The following SLC26A5 variants were observed in gnomAD, a reference collection of about 807,000 sequenced individuals.
The protein encoded by SLC26A5 is solute carrier family 26 member 5.
Under a neutral mutation model 81.0 loss-of-function variants are expected in SLC26A5, and 51 were observed. The ratio of observed to expected loss-of-function variants is 0.63; its 90% confidence interval spans 0.50 to 0.80. SLC26A5 has a LOEUF of 0.80. Ranked by LOEUF, SLC26A5 falls within the 30% of genes least tolerant of loss-of-function variation. The pLI is 0.00. For synonymous variants in SLC26A5, 325 were observed against 332.8 expected (o/e 0.98, Z 0.25); for missense variants, 771 against 905.8 (o/e 0.85, Z 1.91).
At chr7:103,390,568 A>G in intron 11 of SLC26A5, 62 bp from the exon 12 acceptor site, 1 of 1,389,964 alleles carries the variant, frequency 7.2e-7, no homozygotes, top group Admixed American at 1.7e-5. Flanking sequence ...GCAGGGCATA[A>G]GTTGGTTTTA....
intron 4 of SLC26A5, among the ~76,000 whole-genome samples, chr7:103,416,918 T>C (rs967334751): frequency 2.0e-5 from 3 of 152,194 alleles, no homozygotes; most frequent in African/African-American, 7.2e-5. Context: ...ATGTATTTAC[T>C]TTCTCTTAGA....
In SLC26A5 at chr7:103,410,454, G is replaced by A. The variant is rs777672186; in HGVS notation, c.666C>T (p.Phe222=). The A allele has an allele frequency of 3.7e-6, 6 of 1,613,990 alleles. No homozygotes were observed. The South Asian group carries it at 6.6e-5, about 18-fold the overall frequency. The change falls in exon 7 of 20, where the codon TTC becomes TTT. Residue 222 remains phenylalanine (F), a synonymous_variant. Coordinates refer to ENST00000306312, the MANE Select transcript of SLC26A5 (RefSeq NM_198999.3). ...CAAACAGATATTTTAACATGGAGGT[G>A]AAGACATGCACAGCTGCTGCGGTGG... is the stretch of plus-strand genomic sequence containing the variant. ...GFTTAAAVHV[F]TSMLKYLFGV...
intron 9 of SLC26A5, among the ~76,000 whole-genome samples, chr7:103,395,523 ATT>A (rs377224135): frequency 3.2e-3 from 67 of 21,268 alleles, no homozygotes; most frequent in South Asian, 3.8e-3. Context: ...ATATATATAA[ATT>A]TTTTTTTTTT....
chr7:103,384,801 T>C (rs950841281), intron 14 of SLC26A5, among the ~76,000 whole-genome samples: 11 of 152,188 alleles, frequency 7.2e-5, no homozygotes, highest in East Asian at 1.9e-4. Flanking sequence ...GCATAGAGCA[T>C]TGATCTTTGC....
chr7:103,389,480 GCTGGTTCCTCA>G, intron 12 of SLC26A5, 56 bp from the exon 13 acceptor site: 1 of 1,311,774 alleles, frequency 7.6e-7, no homozygotes, highest in Non-Finnish European at 1.1e-6. Flanking sequence ...AGTGTCCTTT[GCTGGTTCCTCA>G]CTGTCCTCCT....
At chr7:103,388,706 C>A in intron 14 of SLC26A5, 1 of 366,570 alleles carries the variant, frequency 2.7e-6, no homozygotes. Flanking sequence ...GATAAATAAA[C>A]CAGCATAGCA....
At chr7:103,391,184 T>G (rs1228135895) in intron 11 of SLC26A5, among the ~76,000 whole-genome samples, 1 of 152,156 alleles carries the variant, frequency 6.6e-6, no homozygotes, top group Admixed American at 6.6e-5. Flanking sequence ...TTTGTAAAAA[T>G]TAAAAGTCAG....
chr7:103,374,271 C>G lies in SLC26A5; in HGVS notation c.*128G>C. 2.7e-6 allele frequency: 4 copies of G among 1,489,914 alleles called. No homozygotes were observed. In the South Asian group the frequency reaches 4.0e-5, roughly 15 times the overall value. The allele number at this position is 1,489,914 out of a possible 1,614,324, so 92.3% of individuals were successfully genotyped here. A position where few individuals can be genotyped will look rare whatever the true frequency, so the allele number is the denominator to read the frequency against. On this transcript the variant is annotated 3_prime_UTR_variant, in exon 20 of 20. Transcript: ENST00000306312. ...ATACATCTTGCTAGGCGTCATTCAC[C>G]CTCCAAATCAAGCCTGGACTACTAG...
At chr7:103,362,460 C>T in intron 19 of SLC26A5, 1 of 1,374,036 alleles carries the variant, frequency 7.3e-7, no homozygotes. Context: ...AAAAATCTCC[C>T]CTCCCTCCTC....
intron 14 of SLC26A5, among the ~76,000 whole-genome samples, chr7:103,383,039 G>A (rs908543098): frequency 1.3e-5 from 2 of 152,184 alleles, no homozygotes; most frequent in Non-Finnish European, 2.9e-5. Flanking sequence ...TAAGCATTCA[G>A]AGAACACAAA....
intron 8 of SLC26A5, among the ~76,000 whole-genome samples, chr7:103,400,751 G>A (rs535525534): frequency 2.0e-5 from 3 of 152,200 alleles, no homozygotes; most frequent in South Asian, 4.1e-4. Context: ...TGTATAAGGT[G>A]TAAGAAAGGG....
In SLC26A5 at chr7:103,374,378, A is replaced by T; in HGVS notation, c.*21T>A. 1 of 1,611,984 alleles carries T rather than the reference A, an allele frequency of 6.2e-7. No homozygotes were observed. Among genetic ancestry groups the T allele is most frequent in the Admixed American group, 1.7e-5 (1 of 59,982 alleles). On this transcript the variant is annotated 3_prime_UTR_variant, in exon 20 of 20. Transcript: ENST00000306312. The stretch of plus-strand genomic sequence containing the variant: ...AACTTCATGAGAGGCTTATAACCCC[A>T]TCCTAGGGTGAGGTCCTCATCTATG...
At chr7:103,377,428 C>T (rs1033046744) in intron 18 of SLC26A5, among the ~76,000 whole-genome samples, 171 bp downstream of exon 18, 4 of 152,146 alleles carry the variant, frequency 2.6e-5, no homozygotes, top group East Asian at 1.9e-4. Context: ...TGATAGTTCA[C>T]GGGGGTTCAA....
chr7:103,390,104 G>A (rs1822525540), intron 12 of SLC26A5, among the ~76,000 whole-genome samples: 2 of 152,116 alleles, frequency 1.3e-5, no homozygotes, highest in South Asian at 4.1e-4. Context: ...TCTTATGAAT[G>A]TAGACCATCT....
chr7:103,425,675 T>C (rs2906637), intron 2 of SLC26A5, among the ~76,000 whole-genome samples: 12,731 of 152,126 alleles, frequency 0.084, 590 homozygotes, highest in South Asian at 0.12. Context: ...TGCCATAAGA[T>C]GCTTACTGAA....
At chr7:103,399,829 T>C (rs1191220980) in intron 8 of SLC26A5, among the ~76,000 whole-genome samples, 2 of 152,212 alleles carry the variant, frequency 1.3e-5, no homozygotes, top group Non-Finnish European at 2.9e-5. Context: ...TGTTTGGTTT[T>C]CTGTTCCTGT....
chr7:103,414,182 G>GC (rs1180825970), intron 4 of SLC26A5, among the ~76,000 whole-genome samples: 1,776 of 116,552 alleles, frequency 0.015, 42 homozygotes, highest in African/African-American at 0.059. Context: ...TTGAAGTTTT[G>GC]CCCCCCCCTT....
chr7:103,374,102 G>T, downstream of SLC26A5: 2 of 910,496 alleles, frequency 2.2e-6, no homozygotes, highest in Non-Finnish European at 2.8e-6. Flanking sequence ...CTTATTTGTG[G>T]GTAAAATACT....
intron 8 of SLC26A5, among the ~76,000 whole-genome samples, chr7:103,407,357 A>G (rs1428803796): frequency 1.3e-5 from 2 of 152,222 alleles, no homozygotes; most frequent in East Asian, 3.8e-4. Context: ...ATTTATGTGC[A>G]TATTTTTATA....
Sources: gnomAD v4.1 joint callset for allele counts (sites outside exome capture counted in the v4.1 genomes callset) on GRCh38, gnomAD v4.1.1 for gene constraint, MANE v1.5 for transcripts, NCBI Gene and HGNC (gene_info 2026-07-23, HGNC 2026-07-21) for gene names.